The following FARS2 variants were observed in gnomAD, a reference collection of about 807,000 sequenced individuals.
FARS2 encodes the protein phenylalanine--tRNA ligase, mitochondrial.
A neutral mutation model predicts 46.4 loss-of-function variants in FARS2; 40 were observed. The ratio of observed to expected loss-of-function variants is 0.86; its 90% CI spans 0.67 to 1.12. FARS2 has a LOEUF of 1.12. FARS2 is among the 50% of genes most tolerant of loss of function. The pLI is 0.00. For synonymous variants in FARS2, 234 were observed against 214.9 expected (o/e 1.09, Z -0.78); for missense variants, 513 against 567.9 (o/e 0.90, Z 0.98).
chr6:5,765,006 T>C lies in FARS2; in HGVS notation c.1218-6285T>C. On this transcript the variant is annotated intron_variant, in intron 6 of 6. Coordinates refer to ENST00000274680, the MANE Select transcript of FARS2 (RefSeq NM_006567.5). The surrounding 1 kb of genome is among the most constrained non-coding windows in gnomAD (Gnocchi z 4.0). Reference sequence around the variant, plus strand: ...TTGATCGGGAAAAGAAAATAATCACTGGGGAGGGACCCCTTTTAAACATTT... The same window carrying C: ...TTGATCGGGAAAAGAAAATAATCACCGGGGAGGGACCCCTTTTAAACATTT... Among the ~76,000 whole-genome samples the C allele has an allele frequency of 6.6e-6, 1 of 152,218 alleles. No individual in the cohort carries two copies. The highest frequency in any genetic ancestry group is 1.5e-5 in the Non-Finnish European group (1 of 68,030).
upstream of FARS2, among the ~76,000 whole-genome samples, chr6:5,259,963 G>A (rs984698318): frequency 1.3e-5 from 2 of 152,118 alleles, no homozygotes; most frequent in Non-Finnish European, 2.9e-5. Context: ...GGGGAGTGGG[G>A]AGGCGTGAGA....
In FARS2 at chr6:5,559,015, G is replaced by T. The variant is rs62387185; in HGVS notation, c.1065+13675G>T. On this transcript the variant is annotated intron_variant, in intron 5 of 6. Coordinates refer to ENST00000274680, the MANE Select transcript of FARS2 (RefSeq NM_006567.5). ...GATATGTTCTAAACGTATATTTCTGGATTTAACTTGCTGATAAAAATGTAG... is the reference window on the plus strand; with the variant it reads ...GATATGTTCTAAACGTATATTTCTGTATTTAACTTGCTGATAAAAATGTAG... Among the ~76,000 whole-genome samples, 3 of 152,016 alleles carry T rather than the reference G, an allele frequency of 2.0e-5. No homozygotes were observed. In the East Asian group the frequency reaches 5.8e-4, roughly 29 times the overall value.
intron 5 of FARS2, among the ~76,000 whole-genome samples, chr6:5,577,792 T>C (rs1266964633): frequency 2.0e-5 from 3 of 152,104 alleles, no homozygotes; most frequent in African/African-American, 7.2e-5. Context: ...TTTATTTATT[T>C]ATTTATTCAT....
At chr6:5,317,422 G>A (rs986897517) in intron 1 of FARS2, among the ~76,000 whole-genome samples, 1 of 152,090 alleles carries the variant, frequency 6.6e-6, no homozygotes, top group Non-Finnish European at 1.5e-5. Context: ...ATGGAAAAAG[G>A]GGAAGCACAC....
intron 4 of FARS2, among the ~76,000 whole-genome samples, chr6:5,524,514 C>G (rs1163712984): frequency 2.0e-5 from 3 of 152,224 alleles, no homozygotes; most frequent in Non-Finnish European, 2.9e-5. Context: ...AAGTTAAAAG[C>G]AGAGCATGTT....
At chr6:5,742,011 GTCTC>G (rs1370074039) in intron 6 of FARS2, among the ~76,000 whole-genome samples, 1 of 152,124 alleles carries the variant, frequency 6.6e-6, no homozygotes, top group Non-Finnish European at 1.5e-5. Context: ...TATTTCCTCA[GTCTC>G]TCTCTCTGAT....
intron 6 of FARS2, among the ~76,000 whole-genome samples, chr6:5,736,431 G>A (rs1461632706): frequency 6.6e-6 from 1 of 152,206 alleles, no homozygotes; most frequent in Non-Finnish European, 1.5e-5. Context: ...TGCCACCACA[G>A]GTGGCACATT....
At chr6:5,711,640 G>A (rs1310529709) in intron 6 of FARS2, among the ~76,000 whole-genome samples, 1 of 152,076 alleles carries the variant, frequency 6.6e-6, no homozygotes, top group Admixed American at 6.6e-5. Context: ...AATCACAAGG[G>A]GAAAAAATAA....
intron 4 of FARS2, among the ~76,000 whole-genome samples, chr6:5,543,352 T>C (rs781508011): frequency 1.3e-5 from 2 of 150,144 alleles, no homozygotes; most frequent in Admixed American, 1.4e-4. Flanking sequence ...GAAACAATTA[T>C]AAGGGTTTTC....
intron 5 of FARS2, among the ~76,000 whole-genome samples, chr6:5,552,952 A>G (rs1265478023): frequency 6.6e-6 from 1 of 152,216 alleles, no homozygotes; most frequent in African/African-American, 2.4e-5. Context: ...ACTTTAATTT[A>G]TACTTTGTTT....
chr6:5,477,697 G>C (rs751700212), intron 4 of FARS2, among the ~76,000 whole-genome samples: 1 of 152,108 alleles, frequency 6.6e-6, no homozygotes, highest in Admixed American at 6.5e-5. Context: ...GATATCTTTT[G>C]AGGAGTAAGC....
chr6:5,693,113 A>T (rs1008620872), intron 6 of FARS2, among the ~76,000 whole-genome samples: 1 of 152,250 alleles, frequency 6.6e-6, no homozygotes, highest in Non-Finnish European at 1.5e-5. Context: ...GCATAGTAAC[A>T]TCCTGTTAGT....
intron 1 of FARS2, chr6:5,291,161 A>G (rs1246629892): frequency 1.3e-5 from 2 of 152,248 alleles, no homozygotes; most frequent in Admixed American, 1.3e-4. Context: ...TGCATTTACC[A>G]TGAAGAACAG....
At chr6:5,362,996 G>A (rs1430665634) in intron 1 of FARS2, among the ~76,000 whole-genome samples, 2 of 142,030 alleles carry the variant, frequency 1.4e-5, no homozygotes, top group African/African-American at 2.6e-5. Context: ...GCGCGATCTC[G>A]GCCCACTGCA....
chr6:5,322,420 G>C (rs1254343404), intron 1 of FARS2, among the ~76,000 whole-genome samples: 1 of 152,190 alleles, frequency 6.6e-6, no homozygotes, highest in Non-Finnish European at 1.5e-5. Flanking sequence ...TGTCCCTGGT[G>C]ATATGATGAG....
At chr6:5,352,221 C>T (rs1757623071) in intron 1 of FARS2, among the ~76,000 whole-genome samples, 1 of 150,624 alleles carries the variant, frequency 6.6e-6, no homozygotes, top group Non-Finnish European at 1.5e-5. Context: ...TCTGATGTGG[C>T]CCAAGGAAGC....
chr6:5,414,396 C>G (rs1458323695), intron 3 of FARS2, among the ~76,000 whole-genome samples: 1 of 152,162 alleles, frequency 6.6e-6, no homozygotes, highest in African/African-American at 2.4e-5. Context: ...TTCACCGTCC[C>G]TCTACCACCT....
chr6:5,662,410 T>TA (rs528850546), intron 6 of FARS2, among the ~76,000 whole-genome samples: 9 of 152,278 alleles, frequency 5.9e-5, no homozygotes, highest in Admixed American at 1.3e-4. Flanking sequence ...TTAAACTCAC[T>TA]AAAACAGCAA....
intron 6 of FARS2, among the ~76,000 whole-genome samples, chr6:5,659,030 G>A (rs1476262920): frequency 2.6e-5 from 4 of 152,166 alleles, no homozygotes; most frequent in Non-Finnish European, 4.4e-5. Context: ...CAGTGCCCGC[G>A]TTGGACTACA....
Sources: gnomAD v4.1 joint callset for allele counts (sites outside exome capture counted in the v4.1 genomes callset) on GRCh38, gnomAD v4.1.1 for gene constraint, Gnocchi (gnomAD v3.1) non-coding constraint, MANE v1.5 for transcripts, NCBI Gene and HGNC (gene_info 2026-07-23, HGNC 2026-07-21) for gene names.